Variants in CKAP2L observed in about 807,000 individuals in gnomAD.
CKAP2L encodes cytoskeleton-associated protein 2-like.
CKAP2L carries 42 observed loss-of-function variants against 65.7 expected under a neutral mutation model. The ratio of observed to expected loss-of-function variants is 0.64; its 90% CI spans 0.50 to 0.83. The LOEUF is 0.83. Ranked by LOEUF, CKAP2L falls within the 40% of genes least tolerant of loss-of-function variation. The pLI is 0.00. For missense variants in CKAP2L, 908 were observed against 871.0 expected (o/e 1.04, Z -0.53); for synonymous variants, 325 against 313.5 (o/e 1.04, Z -0.39).
At chr2:112,764,258 G>T (rs896394278) in intron 1 of CKAP2L, 1 of 466,274 alleles carries the variant, frequency 2.1e-6, no homozygotes, top group Admixed American at 3.7e-5. Flanking sequence ...GTGAAAACCC[G>T]AGCAAGGGGC....
intron 7 of CKAP2L, among the ~76,000 whole-genome samples, chr2:112,741,672 C>T (rs6753803): frequency 0.5 from 75,291 of 152,000 alleles, 19,187 homozygotes; most frequent in African/African-American, 0.63. Context: ...TAGCCTCATT[C>T]TCAAAGAATC....
rs1199778412 is a variant in CKAP2L at position 112,748,898 on chromosome 2, CAAG to C, written c.1603-2326_1603-2324del. Among the ~76,000 whole-genome samples the C allele has an allele frequency of 4.0e-5, 6 of 150,732 alleles. No individual in the cohort carries two copies. The East Asian group carries it at 7.7e-4, about 19-fold the overall frequency. ...AAAAAAAAAATGAAAAAAGGAACTG[CAAG>C]AAGAATATGATATATATTCTGCAAA... is the stretch of plus-strand genomic sequence containing the variant. On this transcript the variant is annotated intron_variant, in intron 5 of 8. Coordinates refer to ENST00000302450, the MANE Select transcript of CKAP2L (RefSeq NM_152515.5).
At chr2:112,763,140 C>T (rs141625029) in intron 1 of CKAP2L, among the ~76,000 whole-genome samples, 1 of 152,294 alleles carries the variant, frequency 6.6e-6, no homozygotes, top group Non-Finnish European at 1.5e-5. Flanking sequence ...TTTTTGCAAT[C>T]TGAAATTCAG....
intron 6 of CKAP2L, among the ~76,000 whole-genome samples, chr2:112,745,670 C>T (rs1215777130): frequency 6.6e-6 from 1 of 152,108 alleles, no homozygotes; most frequent in East Asian, 1.9e-4. Flanking sequence ...CGTGAAACAC[C>T]GTGCCCAGCC....
Position 112,738,953 on chromosome 2 carries a change from A to G in CKAP2L, c.2108T>C (p.Met703Thr). Residue 703 changes from methionine to threonine, a missense_variant, in exon 9 of 9, where the codon ATG becomes ACG. Physicochemically the swap from Met to Thr is moderately conservative, Grantham distance 81. Transcript: ENST00000302450. Reference protein sequence around the residue: ...IERAVSRYPEMLQEHDLVVAS... With the variant: ...IERAVSRYPETLQEHDLVVAS... ...CACTACTAAATCGTGTTCCTGCAGC[A>G]TTTCTGGGTAGCGGGACACTGCTCG... 1 of 1,614,174 alleles carries G rather than the reference A, an allele frequency of 6.2e-7. No homozygotes were observed. The highest frequency in any genetic ancestry group is 1.1e-5 in the South Asian group (1 of 91,082).
Position 112,746,575 on chromosome 2 carries a change from C to T in CKAP2L, c.1603G>A (p.Gly535Ser), listed in dbSNP as rs1574326849. 5.0e-6 allele frequency: 8 copies of T among 1,603,444 alleles called. No homozygotes were observed. The highest frequency in any genetic ancestry group is 1.1e-5 in the South Asian group (1 of 90,066). The change falls in exon 6 of 9, where the codon GGT becomes AGT. Residue 535 changes from glycine to serine, a missense_variant and splice_region_variant. By Grantham distance (56) the Gly-to-Ser change is moderately conservative. Coordinates refer to ENST00000302450, the MANE Select transcript of CKAP2L (RefSeq NM_152515.5). The stretch of plus-strand genomic sequence containing the variant: ...TTAAGTATTTCATTAGAAGGTACAC[C>T]CTGAAATAAACCAAAATATCCAGAG... ...LTECLNLIEG[G>S]VPSNEILNIL...
At chr2:112,754,298 A>G (rs530341210) in intron 4 of CKAP2L, among the ~76,000 whole-genome samples, 1 of 152,244 alleles carries the variant, frequency 6.6e-6, no homozygotes, top group African/African-American at 2.4e-5. Context: ...AATGAATGCT[A>G]TTAACTCTCA....
intron 5 of CKAP2L, among the ~76,000 whole-genome samples, chr2:112,748,915 A>T (rs1680286254): frequency 6.6e-6 from 1 of 152,068 alleles, no homozygotes; most frequent in Non-Finnish European, 1.5e-5. Flanking sequence ...AATATGATAT[A>T]TATTCTGCAA....
Position 112,746,424 on chromosome 2 carries a change from G to A in CKAP2L, c.1754C>T (p.Ala585Val). 1.2e-6 allele frequency: 2 copies of A among 1,608,560 alleles called. No individual in the cohort carries two copies. Among genetic ancestry groups the A allele is most frequent in the Non-Finnish European group, 1.7e-6 (2 of 1,176,140 alleles). ...GLYEEAIKNG[A>V]TPIQELRKVV... ...CCACCCAAGACAGATACTCACTGTTGCCCCATTTTTAATGGCCTCTTCATA... is the reference window on the plus strand; with the variant it reads ...CCACCCAAGACAGATACTCACTGTTACCCCATTTTTAATGGCCTCTTCATA... The change falls in exon 6 of 9, where the codon GCA (alanine) becomes GTA (valine). Residue 585 changes from alanine to valine, a missense_variant. By Grantham distance (64) the Ala-to-Val change is moderately conservative. Transcript: ENST00000302450.
Position 112,756,261 on chromosome 2 carries a change from T to C in CKAP2L, c.1110A>G (p.Gln370=). The C allele has an allele frequency of 6.2e-7, 1 of 1,614,190 alleles. No homozygotes were observed. The highest frequency in any genetic ancestry group is 8.5e-7 in the Non-Finnish European group (1 of 1,180,026). ...GCCTCTGGCTTATGGCTTTTGACTT[T>C]TGCAGTACACATGATGTCTGAGGTA... is the stretch of plus-strand genomic sequence containing the variant. ...VCIPQTSCVL[Q]KSKAISQRPN... Residue 370 remains glutamine, a synonymous_variant, in exon 4 of 9, where the codon CAA becomes CAG. Transcript: ENST00000302450.
At position 112,756,379 on chromosome 2, in the gene CKAP2L, G is replaced by T; in HGVS notation, c.992C>A (p.Thr331Asn). Residue 331 changes from threonine to asparagine, a missense_variant, in exon 4 of 9, where the codon ACC (threonine) becomes AAC (asparagine). Coordinates refer to ENST00000302450, the MANE Select transcript of CKAP2L (RefSeq NM_152515.5). Reference protein sequence around the residue: ...YPVTEQRVKHTKPRTYPSLLQ... With the variant: ...YPVTEQRVKHNKPRTYPSLLQ... ...CAAACTGGGGTATGTTCTGGGTTTGGTGTGCTTCACTCTCTGTTCAGTAAC... is the reference window on the plus strand; with the variant it reads ...CAAACTGGGGTATGTTCTGGGTTTGTTGTGCTTCACTCTCTGTTCAGTAAC... 6.2e-7 allele frequency: 1 copy of T among 1,613,902 alleles called. No homozygotes were observed. The highest frequency in any genetic ancestry group is 8.5e-7 in the Non-Finnish European group (1 of 1,179,944).
At chr2:112,764,439 C>A in intron 1 of CKAP2L, 123 bp downstream of exon 1, 1 of 1,105,536 alleles carries the variant, frequency 9.0e-7, no homozygotes, top group Non-Finnish European at 1.4e-6. Context: ...GGAAAACGCC[C>A]AGGGGAAACT....
intron 3 of CKAP2L, among the ~76,000 whole-genome samples, chr2:112,759,862 G>A (rs771691217): frequency 6.6e-5 from 10 of 150,672 alleles, no homozygotes; most frequent in Non-Finnish European, 1.3e-4. Flanking sequence ...TTTCACTTCA[G>A]GAAGCACTAT....
chr2:112,763,305 G>A (rs1378428420), intron 1 of CKAP2L, among the ~76,000 whole-genome samples: 1 of 152,120 alleles, frequency 6.6e-6, no homozygotes, highest in Non-Finnish European at 1.5e-5. Context: ...CTGAGCTGGT[G>A]AGCCAGGCCT....
intron 2 of CKAP2L, among the ~76,000 whole-genome samples, chr2:112,761,868 T>C (rs145997468): frequency 1.3e-5 from 2 of 152,196 alleles, no homozygotes; most frequent in Admixed American, 6.5e-5. Flanking sequence ...GAAATAGAGG[T>C]GAGTAAACAC....
rs764989782 is a variant in CKAP2L, at chr2:112,756,347, C to T, written c.1024G>A (p.Gly342Ser). 5 of 1,613,480 alleles carry T rather than the reference C, an allele frequency of 3.1e-6. No homozygotes were observed. The highest frequency in any genetic ancestry group is 2.2e-5 in the South Asian group (2 of 90,964). Reference protein sequence around the residue: ...KPRTYPSLLQGEYNNRHPNIK... With the variant: ...KPRTYPSLLQSEYNNRHPNIK... Reference sequence around the variant, plus strand: ...TTTGGATGTCTGTTGTTATATTCACCCTGAAGCAAACTGGGGTATGTTCTG... The same window carrying T: ...TTTGGATGTCTGTTGTTATATTCACTCTGAAGCAAACTGGGGTATGTTCTG... Residue 342 changes from glycine to serine, a missense_variant, in exon 4 of 9, where the codon GGT becomes AGT. By Grantham distance (56) the Gly-to-Ser change is moderately conservative. Coordinates refer to ENST00000302450, the MANE Select transcript of CKAP2L (RefSeq NM_152515.5).
intron 8 of CKAP2L, among the ~76,000 whole-genome samples, chr2:112,740,217 G>C (rs1425467738): frequency 6.6e-6 from 1 of 152,176 alleles, no homozygotes; most frequent in Non-Finnish European, 1.5e-5. Context: ...GTGTGTCAGA[G>C]AGTTTAGGAT....
At chr2:112,742,575 G>A in intron 7 of CKAP2L, 131 bp downstream of exon 7, 1 of 716,298 alleles carries the variant, frequency 1.4e-6, no homozygotes, top group South Asian at 1.5e-5. Flanking sequence ...GGCTGAAAGG[G>A]CCAGGTCATG....
chr2:112,764,180 A>C, intron 1 of CKAP2L: 2 of 278,782 alleles, frequency 7.2e-6, no homozygotes, highest in Non-Finnish European at 7.0e-6. Flanking sequence ...CTCCTGGCAC[A>C]GAGGACCACG....
Sources: allele counts gnomAD v4.1 joint callset (sites outside exome capture counted in the v4.1 genomes callset), GRCh38; gene constraint gnomAD v4.1.1; transcripts MANE v1.5; gene names NCBI Gene and HGNC (gene_info 2026-07-23, HGNC 2026-07-21).